The following TMCO4 variants were observed in gnomAD, a reference collection of about 807,000 sequenced individuals.
TMCO4 encodes transmembrane and coiled-coil domains 4, also known as transmembrane and coiled-coil domain-containing protein 4.
In TMCO4, 58 loss-of-function variants were observed where a neutral mutation model predicts 64.7. That is an observed-to-expected ratio of 0.90 (90% CI 0.73 to 1.12). The LOEUF (loss-of-function observed/expected upper bound fraction) is 1.12. TMCO4 is among the 50% of genes most tolerant of loss of function. The probability of loss-of-function intolerance (pLI) is 0.00; values close to 1 mark genes in which losing one functional copy is unlikely to be tolerated. For synonymous variants in TMCO4, 325 were observed against 346.1 expected, an observed-to-expected ratio of 0.94 and a Z score of 0.68; for missense variants, 780 against 825.9, an observed-to-expected ratio of 0.94 and a Z score of 0.68.
intron 2 of TMCO4, among the ~76,000 whole-genome samples, chr1:19,791,888 T>C (rs1006697752): frequency 6.6e-6 from 1 of 152,182 alleles, no homozygotes; most frequent in Non-Finnish European, 1.5e-5. Context: ...CCTTGAATTA[T>C]AGCTCCCACA....
chr1:19,753,917 C>T (rs2042132491), intron 7 of TMCO4, among the ~76,000 whole-genome samples: 1 of 152,160 alleles, frequency 6.6e-6, no homozygotes, highest in African/African-American at 2.4e-5. Flanking sequence ...TCTATAATAA[C>T]ACAATTAGAA....
At chr1:19,686,988 G>A (rs1043868114) in intron 15 of TMCO4, among the ~76,000 whole-genome samples, 6 of 149,510 alleles carry the variant, frequency 4.0e-5, no homozygotes, top group Non-Finnish European at 7.4e-5. Flanking sequence ...GTCTTGCTCT[G>A]TTGCCCAGGC....
intron 2 of TMCO4, among the ~76,000 whole-genome samples, chr1:19,796,003 C>A (rs1388985105): frequency 6.6e-6 from 1 of 152,232 alleles, no homozygotes; most frequent in Admixed American, 6.5e-5. Flanking sequence ...GATACCACCT[C>A]GGGCCTCAGC....
intron 4 of TMCO4, among the ~76,000 whole-genome samples, chr1:19,772,987 C>G (rs559855996): frequency 2.0e-5 from 3 of 152,082 alleles, no homozygotes; most frequent in African/African-American, 7.2e-5. Flanking sequence ...GTCAGGAGTT[C>G]GAGACCAGCC....
At chr1:19,799,576 C>A (rs1213717476) in intron 1 of TMCO4, among the ~76,000 whole-genome samples, 5 of 152,238 alleles carry the variant, frequency 3.3e-5, no homozygotes, top group Non-Finnish European at 7.3e-5. Flanking sequence ...CTCCGCCCAG[C>A]CTCAGTTTCC....
intron 4 of TMCO4, among the ~76,000 whole-genome samples, chr1:19,779,557 A>G (rs2043361330): frequency 6.6e-6 from 1 of 152,222 alleles, no homozygotes; most frequent in South Asian, 2.1e-4. Context: ...AATGATAGAG[A>G]TGAAATATAA....
At chr1:19,722,683 C>A (rs1264944466) in intron 13 of TMCO4, among the ~76,000 whole-genome samples, 5 of 152,236 alleles carry the variant, frequency 3.3e-5, no homozygotes, top group African/African-American at 1.2e-4. Flanking sequence ...GTAGGAAAGA[C>A]AGGCTAGGGA....
chr1:19,718,444 G>T (rs914579691), intron 13 of TMCO4, among the ~76,000 whole-genome samples: 2 of 151,870 alleles, frequency 1.3e-5, no homozygotes. Context: ...CTTGAGGCCA[G>T]GAGTTTGAGA....
chr1:19,705,473 A>T (rs1407207211), intron 13 of TMCO4, among the ~76,000 whole-genome samples: 1 of 151,804 alleles, frequency 6.6e-6, no homozygotes, highest in African/African-American at 2.4e-5. Flanking sequence ...ATAAATAAAT[A>T]AACAAATAAA....
chr1:19,686,486 C>T (rs999944374), intron 15 of TMCO4, among the ~76,000 whole-genome samples: 3 of 152,218 alleles, frequency 2.0e-5, no homozygotes, highest in Non-Finnish European at 2.9e-5. Context: ...TTCAAAAACA[C>T]GAAAAGACAA....
chr1:19,795,432 A>G (rs1350135366), intron 2 of TMCO4, among the ~76,000 whole-genome samples: 1 of 152,240 alleles, frequency 6.6e-6, no homozygotes, highest in Non-Finnish European at 1.5e-5. Flanking sequence ...AGATTGCGCC[A>G]TTGCACTCCA....
chr1:19,686,166 G>A (rs2095147799), intron 15 of TMCO4, among the ~76,000 whole-genome samples: 1 of 152,188 alleles, frequency 6.6e-6, no homozygotes, highest in Non-Finnish European at 1.5e-5. Context: ...GACACACAGC[G>A]CATGAACAGC....
chr1:19,742,538 C>A (rs2095484313), intron 10 of TMCO4, among the ~76,000 whole-genome samples: 1 of 152,204 alleles, frequency 6.6e-6, no homozygotes, highest in Admixed American at 6.5e-5. Context: ...TGTCTCAGCT[C>A]TGCAACAACT....
Position 19,755,908 on chromosome 1 carries a change from C to T in TMCO4, c.383-142G>A, listed in dbSNP as rs1258803527. The T allele has an allele frequency of 6.3e-6, 6 of 952,360 alleles. No individual in the cohort carries two copies. The East Asian group carries it at 1.0e-4, about 16-fold the overall frequency. 59.0% of individuals were successfully genotyped at this position (952,360 alleles called of 1,614,324 possible). ...GAGCCAGTCAATGAAAAAAATGACA[C>T]AGTTGCCTGGACAGAATACTATACA... On this transcript the variant is annotated intron_variant, in intron 6 of 15. Coordinates refer to ENST00000294543, the MANE Select transcript of TMCO4 (RefSeq NM_181719.7).
intron 15 of TMCO4, among the ~76,000 whole-genome samples, chr1:19,688,056 G>C (rs2095163764): frequency 6.6e-6 from 1 of 152,190 alleles, no homozygotes. Context: ...TGAAGATTCA[G>C]CCCCTGACCA....
At chr1:19,795,657 G>A (rs2044270554) in intron 2 of TMCO4, among the ~76,000 whole-genome samples, 1 of 152,138 alleles carries the variant, frequency 6.6e-6, no homozygotes, top group Non-Finnish European at 1.5e-5. Context: ...GGGACAGAGA[G>A]GCCCTGAGAA....
At chr1:19,779,662 C>A (rs1487259725) in intron 4 of TMCO4, among the ~76,000 whole-genome samples, 1 of 152,224 alleles carries the variant, frequency 6.6e-6, no homozygotes, top group African/African-American at 2.4e-5. Flanking sequence ...CACCTGGGCA[C>A]CCCTACCTAG....
Position 19,791,545 on chromosome 1 carries a change from G to T in TMCO4, c.-100-4428C>A, listed in dbSNP as rs113049492. On this transcript the variant is annotated intron_variant, in intron 2 of 15. Transcript: ENST00000294543. ...GAATGCGTCACCTGCTGTGTATACT[G>T]GTTCTTGGGGGCCTCCACCCCTTGA... 4.4e-3 allele frequency among the ~76,000 whole-genome samples: 670 copies of T among 152,294 alleles called. 9 individuals are homozygous for T. The highest frequency in any genetic ancestry group is 0.015 in the African/African-American group (626 of 41,566).
In TMCO4 at chr1:19,683,165, C is replaced by T; in HGVS notation, c.1780G>A (p.Ala594Thr). The T allele has an allele frequency of 6.2e-7, 1 of 1,614,168 alleles. No homozygotes were observed. The highest frequency in any genetic ancestry group is 1.6e-4 in the Middle Eastern group (1 of 6,062). The change falls in exon 16 of 16, where the codon GCC becomes ACC. Residue 594 changes from alanine to threonine, a missense_variant. By Grantham distance (58) the Ala-to-Thr change is moderately conservative. Transcript: ENST00000294543. Reference sequence around the variant, plus strand: ...GGGCTGGCAGCAGCAGGAAGGGAGGCCCCTTCAGACTGGTCCAGCCCTACT... The same window carrying T: ...GGGCTGGCAGCAGCAGGAAGGGAGGTCCCTTCAGACTGGTCCAGCCCTACT... ...VPVGLDQSEG[A>T]SLPAAASPER...
Sources: gnomAD v4.1 joint callset for allele counts (sites outside exome capture counted in the v4.1 genomes callset) on GRCh38, gnomAD v4.1.1 for gene constraint, MANE v1.5 for transcripts, NCBI Gene and HGNC (gene_info 2026-07-23, HGNC 2026-07-21) for gene names.